The following UMODL1 variants were observed in gnomAD, a reference collection of about 807,000 sequenced individuals.
UMODL1 encodes the protein uromodulin-like 1.
A neutral mutation model predicts 136.3 loss-of-function variants in UMODL1; 128 were observed. The ratio of observed to expected loss-of-function variants is 0.94; its 90% CI spans 0.81 to 1.09. UMODL1 has a LOEUF of 1.09. UMODL1 is among the 50% of genes least tolerant of loss of function. UMODL1 has a pLI of 0.00. For synonymous variants in UMODL1, 721 were observed against 720.0 expected, an observed-to-expected ratio of 1.00 and a Z score of -0.02; for missense variants, 1,766 against 1,725.6, an observed-to-expected ratio of 1.02 and a Z score of -0.41.
In UMODL1 at chr21:42,113,628, C is replaced by T. The variant is rs2066865454; in HGVS notation, c.2160C>T (p.His720=). ...MVSNVTSTGF[H]LAWEADLAMD... is the part of the protein sequence containing the mutation. Reference sequence around the variant, plus strand: ...CCAATGTGACCAGCACCGGCTTCCACCTGGCATGGGAGGCGGATCTTGCTA... The same window carrying T: ...CCAATGTGACCAGCACCGGCTTCCATCTGGCATGGGAGGCGGATCTTGCTA... The change falls in exon 13 of 23, where the codon CAC becomes CAT. Residue 720 remains histidine (H), a synonymous_variant. Transcript: ENST00000408910. The T allele has an allele frequency of 3.1e-6, 5 of 1,614,128 alleles. No individual in the cohort carries two copies. The highest frequency in any genetic ancestry group is 2.2e-5 in the East Asian group (1 of 44,884).
chr21:42,103,652 A>C (rs1029318477), intron 8 of UMODL1: 1 of 685,266 alleles, frequency 1.5e-6, no homozygotes, highest in Non-Finnish European at 2.7e-6. Flanking sequence ...AGTCCCCAGC[A>C]CACACCAGGC....
intron 2 of UMODL1, among the ~76,000 whole-genome samples, chr21:42,077,061 GT>G (rs2146423336): frequency 7.5e-6 from 1 of 133,298 alleles, no homozygotes. Context: ...GTGTGTGTGT[GT>G]GTGTGGTGGC....
At chr21:42,126,955 C>T (rs757684740) in intron 18 of UMODL1, 51 bp from the exon 19 acceptor site, 16 of 1,464,748 alleles carry the variant, frequency 1.1e-5, no homozygotes, top group Non-Finnish European at 1.3e-5. Context: ...GGAGGGGCCA[C>T]GATAATGCGC....
At chr21:42,098,409 C>T (rs938077540) in intron 6 of UMODL1, among the ~76,000 whole-genome samples, 1 of 151,758 alleles carries the variant, frequency 6.6e-6, no homozygotes, top group Non-Finnish European at 1.5e-5. Context: ...TACTCAGAAG[C>T]CTAGAGAGAG....
chr21:42,107,409 C>A (rs1569159076), intron 9 of UMODL1, among the ~76,000 whole-genome samples: 1 of 152,200 alleles, frequency 6.6e-6, no homozygotes, highest in Non-Finnish European at 1.5e-5. Flanking sequence ...GCTGCCTGCT[C>A]CCACCCGCCT....
rs564748648 is a variant in UMODL1 at position 42,104,102 on chromosome 21, C to T, written c.1519+15C>T. The T allele has an allele frequency of 7.7e-5, 123 of 1,595,862 alleles. No homozygotes were observed. The highest frequency in any genetic ancestry group is 9.7e-5 in the Non-Finnish European group (113 of 1,167,720). On this transcript the variant is annotated intron_variant, in intron 9 of 22. Transcript: ENST00000408910. ...ACGCGTGCAAGGTATGGCCCAGCCA[C>T]CCGCCCTGCTGCCTGGTGTCCTCCA...
chr21:42,118,847 C>T (rs572258117), intron 14 of UMODL1, among the ~76,000 whole-genome samples: 69 of 151,048 alleles, frequency 4.6e-4, no homozygotes, highest in African/African-American at 1.5e-3. Context: ...GTCCCACCCT[C>T]GCCCCACAGG....
chr21:42,071,192 C>A, upstream of UMODL1: 2 of 1,033,506 alleles, frequency 1.9e-6, no homozygotes, highest in Non-Finnish European at 2.6e-6. Flanking sequence ...CCTGCAGCAG[C>A]ACAGGGGACA....
chr21:42,102,449 T>C (rs1232780223), intron 8 of UMODL1, 171 bp downstream of exon 8: 4 of 513,748 alleles, frequency 7.8e-6, no homozygotes, highest in Non-Finnish European at 1.4e-5. Context: ...GTCAAAAGCT[T>C]TCCCCCTGCT....
Position 42,126,256 on chromosome 21 carries a change from T to TC in UMODL1, c.3148-83dup. The TC allele has an allele frequency of 1.9e-6, 3 of 1,553,358 alleles. No individual in the cohort carries two copies. In the South Asian group the frequency reaches 3.5e-5, roughly 18 times the overall value. ...GAGAGGCTTTAGAGAAGAACCCCCA[T>TC]CCCCCCAGCACCTAGAGCCGTGGCC... On this transcript the variant is annotated intron_variant, in intron 17 of 22. Coordinates refer to ENST00000408910, the MANE Select transcript of UMODL1 (RefSeq NM_001004416.3).
intron 9 of UMODL1, among the ~76,000 whole-genome samples, chr21:42,106,685 T>A (rs947194232): frequency 6.6e-6 from 1 of 152,206 alleles, no homozygotes; most frequent in Non-Finnish European, 1.5e-5. Flanking sequence ...CCCGCGCCTA[T>A]GAGTTGCACC....
At chr21:42,086,867 G>C (rs540627127) in intron 4 of UMODL1, among the ~76,000 whole-genome samples, 1 of 152,260 alleles carries the variant, frequency 6.6e-6, no homozygotes, top group East Asian at 1.9e-4. Context: ...TGGGGAGGCT[G>C]AGGCAGGAGA....
chr21:42,138,201 C>T (rs566234319), intron 22 of UMODL1, among the ~76,000 whole-genome samples: 7 of 152,280 alleles, frequency 4.6e-5, no homozygotes, highest in South Asian at 2.1e-4. Context: ...TTTCCGGCCA[C>T]GTGGAGGGTG....
upstream of UMODL1, among the ~76,000 whole-genome samples, chr21:42,066,686 G>GA (rs1369696515): frequency 6.6e-6 from 1 of 152,200 alleles, no homozygotes; most frequent in East Asian, 1.9e-4. Context: ...AACAAACACA[G>GA]ATGGTAACCC....
chr21:42,108,554 G>T, intron 9 of UMODL1: 1 of 339,414 alleles, frequency 2.9e-6, no homozygotes, highest in South Asian at 2.2e-5. Context: ...CTGCATCGTG[G>T]CTTAAATTCC....
chr21:42,113,456 A>G (rs1340248324), intron 12 of UMODL1, 117 bp from the exon 13 acceptor site: 5 of 1,312,652 alleles, frequency 3.8e-6, no homozygotes, highest in Non-Finnish European at 5.2e-6. Context: ...GGCGGCCATC[A>G]CCTGCAAATC....
At chr21:42,074,664 C>T (rs2066267377) in intron 1 of UMODL1, among the ~76,000 whole-genome samples, 1 of 152,144 alleles carries the variant, frequency 6.6e-6, no homozygotes, top group South Asian at 2.1e-4. Flanking sequence ...AAACCTGATG[C>T]TTGTCCTGCA....
rs1330005367 is a variant in UMODL1 at position 42,084,225 on chromosome 21, G to C, written c.461G>C (p.Cys154Ser). The change falls in exon 3 of 23, where the codon TGC (cysteine) becomes TCC (serine). Residue 154 changes from cysteine (C) to serine (S), a missense_variant. Transcript: ENST00000408910. Reference protein sequence around the residue: ...KCCPWSGGRYCMAPAPQAPER... With the variant: ...KCCPWSGGRYSMAPAPQAPER... ...TGCCCCTGGTCAGGGGGGCGCTACT[G>C]CATGGCCCCTGCACCCCAAGGTAGG... 4 of 1,613,578 alleles carry C rather than the reference G, an allele frequency of 2.5e-6. No individual in the cohort carries two copies. The highest frequency in any genetic ancestry group is 3.4e-6 in the Non-Finnish European group (4 of 1,179,980).
intron 1 of UMODL1, among the ~76,000 whole-genome samples, chr21:42,063,713 C>A (rs888328745): frequency 2.6e-5 from 4 of 152,214 alleles, no homozygotes; most frequent in African/African-American, 9.6e-5. Context: ...TTGCTCCCAA[C>A]TGGCCGCTTG....
Sources: allele counts gnomAD v4.1 joint callset (sites outside exome capture counted in the v4.1 genomes callset), GRCh38; gene constraint gnomAD v4.1.1; transcripts MANE v1.5; gene names NCBI Gene and HGNC (gene_info 2026-07-23, HGNC 2026-07-21).